The following ZFAND3 variants were observed in gnomAD, a reference collection of about 807,000 sequenced individuals.
ZFAND3 encodes the protein AN1-type zinc finger protein 3.
ZFAND3 carries 10 observed loss-of-function variants against 29.6 expected under a neutral mutation model. The observed-to-expected ratio is 0.34, with a 90% CI of 0.21 to 0.57. The LOEUF (loss-of-function observed/expected upper bound fraction) is 0.57, where lower values mean the gene tolerates loss of function less well. Among genes scored for constraint, ZFAND3 ranks in the 20% least tolerant of loss-of-function variants. ZFAND3 has a pLI of 0.86. For missense variants in ZFAND3, 230 were observed against 304.5 expected (o/e 0.76, Z 1.82); for synonymous variants, 128 against 112.6 (o/e 1.14, Z -0.87).
At chr6:37,987,914 C>G (rs1762697124) in intron 2 of ZFAND3, among the ~76,000 whole-genome samples, 1 of 152,118 alleles carries the variant, frequency 6.6e-6, no homozygotes, top group African/African-American at 2.4e-5. Flanking sequence ...TTAAAATAAG[C>G]TCTTTTGAAT....
rs570203086 is a variant in ZFAND3 at position 38,136,014 on chromosome 6, C to T, written c.530-16221C>T. ...CCATGTGTTGGAGAGAAAAGAGACACAGTAGAGAAGGACTAGAAATGTCTG... is the reference window on the plus strand; with the variant it reads ...CCATGTGTTGGAGAGAAAAGAGACATAGTAGAGAAGGACTAGAAATGTCTG... On this transcript the variant is annotated intron_variant, in intron 5 of 5. Coordinates refer to ENST00000287218, the MANE Select transcript of ZFAND3 (RefSeq NM_021943.3). Among the ~76,000 whole-genome samples, 39 of 152,230 alleles carry T rather than the reference C, an allele frequency of 2.6e-4. 1 individual carries two copies. The highest frequency in any genetic ancestry group is 1.7e-3 in the Admixed American group (26 of 15,288).
chr6:37,946,092 G>A (rs1407515056), intron 2 of ZFAND3, among the ~76,000 whole-genome samples: 10 of 152,186 alleles, frequency 6.6e-5, no homozygotes, highest in Admixed American at 2.0e-4. Context: ...ATTTTAGATG[G>A]ACATAAATAC....
intron 2 of ZFAND3, among the ~76,000 whole-genome samples, chr6:37,972,489 G>C (rs1324635769): frequency 6.6e-6 from 1 of 152,166 alleles, no homozygotes; most frequent in Admixed American, 6.5e-5. Flanking sequence ...GACTCTTGTA[G>C]GTATATGGAA....
In ZFAND3 at chr6:38,031,839, C is replaced by G. The variant is rs185577571; in HGVS notation, c.113-29754C>G. Among the ~76,000 whole-genome samples the G allele has an allele frequency of 1.4e-3, 213 of 150,954 alleles. 1 individual carries two copies. The highest frequency in any genetic ancestry group is 6.2e-4 in the Non-Finnish European group (42 of 67,744). The stretch of plus-strand genomic sequence containing the variant: ...CAGTTTCATATTCTGCCCCTCCCCC[C>G]CCGCCCCACGCTGTCCCAGGGTCTT... On this transcript the variant is annotated intron_variant, in intron 2 of 5. Transcript: ENST00000287218.
chr6:37,974,809 T>C (rs541079309), intron 2 of ZFAND3, among the ~76,000 whole-genome samples: 4 of 152,350 alleles, frequency 2.6e-5, no homozygotes, highest in Non-Finnish European at 4.4e-5. Context: ...TATTCCATTA[T>C]GTGGGTAGTA....
At chr6:38,072,552 G>A (rs778671304) in intron 3 of ZFAND3, among the ~76,000 whole-genome samples, 14 of 151,814 alleles carry the variant, frequency 9.2e-5, no homozygotes, top group African/African-American at 2.9e-4. Context: ...TCTTGCACTC[G>A]TCATATTTTT....
intron 3 of ZFAND3, among the ~76,000 whole-genome samples, chr6:38,064,802 T>C (rs542180151): frequency 2.6e-5 from 4 of 152,246 alleles, no homozygotes; most frequent in South Asian, 4.2e-4. Context: ...CTTAGACTTA[T>C]ACTCTCTGAA....
At chr6:37,947,563 T>A (rs957560516) in intron 2 of ZFAND3, among the ~76,000 whole-genome samples, 4 of 152,190 alleles carry the variant, frequency 2.6e-5, no homozygotes, top group Non-Finnish European at 4.4e-5. Context: ...GTCAAAATAT[T>A]ACATGTAACA....
Position 38,152,854 on chromosome 6 carries a change from G to C in ZFAND3, c.*465G>C. On this transcript the variant is annotated 3_prime_UTR_variant, in exon 6 of 6. Coordinates refer to ENST00000287218, the MANE Select transcript of ZFAND3 (RefSeq NM_021943.3). ...ACTTATCCTTAGTCCCAGTAGCCAGGATACCTGATGGCCACGTGTGCCTTG... is the reference window on the plus strand; with the variant it reads ...ACTTATCCTTAGTCCCAGTAGCCAGCATACCTGATGGCCACGTGTGCCTTG... 1.0e-6 allele frequency: 1 copy of C among 986,082 alleles called. No individual in the cohort carries two copies. The highest frequency in any genetic ancestry group is 1.2e-6 in the Non-Finnish European group (1 of 830,112). The allele number at this position is 986,082 out of a possible 1,614,324, so 61.1% of individuals were successfully genotyped here. A position where few individuals can be genotyped will look rare whatever the true frequency, so the allele number is the denominator to read the frequency against.
chr6:38,095,477 T>C (rs942943354), intron 4 of ZFAND3, among the ~76,000 whole-genome samples: 2 of 152,192 alleles, frequency 1.3e-5, no homozygotes, highest in Non-Finnish European at 2.9e-5. Context: ...ACTTACTTCC[T>C]AACTCTGTAT....
chr6:38,139,317 T>C (rs993879188), intron 5 of ZFAND3, among the ~76,000 whole-genome samples: 3 of 152,148 alleles, frequency 2.0e-5, no homozygotes, highest in African/African-American at 7.2e-5. Flanking sequence ...GGATAGAGGA[T>C]ATGTGATAAA....
At chr6:38,014,533 G>C (rs1044404381) in intron 2 of ZFAND3, among the ~76,000 whole-genome samples, 1 of 151,814 alleles carries the variant, frequency 6.6e-6, no homozygotes, top group African/African-American at 2.4e-5. Flanking sequence ...TGTCATATGA[G>C]TCAGGCTGGT....
At chr6:38,086,865 A>G (rs1764767896) in intron 4 of ZFAND3, among the ~76,000 whole-genome samples, 1 of 152,210 alleles carries the variant, frequency 6.6e-6, no homozygotes, top group Non-Finnish European at 1.5e-5. Flanking sequence ...GGAACAACAA[A>G]AGACCCAGAA....
chr6:37,898,865 T>C (rs971298326), intron 1 of ZFAND3, among the ~76,000 whole-genome samples: 5 of 151,844 alleles, frequency 3.3e-5, no homozygotes, highest in African/African-American at 1.2e-4. Flanking sequence ...AGTCATGTTA[T>C]GTATGAATAA....
intron 1 of ZFAND3, among the ~76,000 whole-genome samples, chr6:37,839,146 A>C (rs530684902): frequency 2.0e-5 from 3 of 152,022 alleles, no homozygotes; most frequent in Admixed American, 6.5e-5. Context: ...ATGTTTTAAA[A>C]TTGAGTTGTA....
At chr6:38,005,827 GTT>G (rs1763038929) in intron 2 of ZFAND3, among the ~76,000 whole-genome samples, 1 of 152,200 alleles carries the variant, frequency 6.6e-6, no homozygotes, top group Non-Finnish European at 1.5e-5. Context: ...CCACTTGAGT[GTT>G]GTTATCAATG....
intron 2 of ZFAND3, among the ~76,000 whole-genome samples, chr6:37,937,704 G>T (rs116351526): frequency 6.8e-6 from 1 of 148,128 alleles, no homozygotes; most frequent in Non-Finnish European, 1.5e-5. Context: ...CTCTTAAGAC[G>T]AAGTGTTTGA....
Position 38,061,327 on chromosome 6 carries a change from G to A in ZFAND3, c.113-266G>A, listed in dbSNP as rs141413577. Among the ~76,000 whole-genome samples the A allele has an allele frequency of 8.1e-3, 1,231 of 152,080 alleles. 7 individuals carry two copies. Among genetic ancestry groups the A allele is most frequent in the Middle Eastern group, 0.031 (9 of 294 alleles). ...CTGATTACCCTTAAATTTTTAACAT[G>A]CGTCTTTGGCTTTGCACAGAATGTT... On this transcript the variant is annotated intron_variant, in intron 2 of 5. Coordinates refer to ENST00000287218, the MANE Select transcript of ZFAND3 (RefSeq NM_021943.3).
chr6:37,942,964 C>T lies in ZFAND3; in HGVS notation c.112+12965C>T, dbSNP rs560960828. Among the ~76,000 whole-genome samples, 32 of 152,050 alleles carry T rather than the reference C, an allele frequency of 2.1e-4. No homozygotes were observed. The South Asian group carries it at 5.0e-3, about 24-fold the overall frequency. On this transcript the variant is annotated intron_variant, in intron 2 of 5. Coordinates refer to ENST00000287218, the MANE Select transcript of ZFAND3 (RefSeq NM_021943.3). The stretch of plus-strand genomic sequence containing the variant: ...TAAAGACATCCAAGGGAAAGCTAGA[C>T]GTAGAAAGACTTGGTGACAGGTTTA...
Sources: allele counts gnomAD v4.1 joint callset (sites outside exome capture counted in the v4.1 genomes callset), GRCh38; gene constraint gnomAD v4.1.1; transcripts MANE v1.5; gene names NCBI Gene and HGNC (gene_info 2026-07-23, HGNC 2026-07-21).